The following FILIP1L variants were observed in gnomAD, a reference collection of about 807,000 sequenced individuals.
FILIP1L encodes filamin A-interacting protein 1-like.
FILIP1L carries 55 observed loss-of-function variants against 96.6 expected under a neutral mutation model. The observed-to-expected ratio is 0.57, with a 90% CI of 0.46 to 0.71. FILIP1L has a LOEUF of 0.71. Among genes scored for constraint, FILIP1L ranks in the 30% least tolerant of loss-of-function variants. The pLI, the probability that FILIP1L is intolerant of heterozygous loss-of-function variation, is 0.00. For synonymous variants in FILIP1L, 467 were observed against 473.9 expected, an observed-to-expected ratio of 0.99 and a Z score of 0.19; for missense variants, 1,304 against 1,321.2, an observed-to-expected ratio of 0.99 and a Z score of 0.20.
chr3:100,061,139 T>TA (rs879451507), intron 1 of FILIP1L, among the ~76,000 whole-genome samples: 32 of 148,096 alleles, frequency 2.2e-4, no homozygotes, highest in South Asian at 6.4e-4. Flanking sequence ...TGTTAAAATT[T>TA]AAAAAAAAAA....
At chr3:100,049,613 A>C (rs1270448183) in intron 1 of FILIP1L, among the ~76,000 whole-genome samples, 1 of 152,226 alleles carries the variant, frequency 6.6e-6, no homozygotes, top group Admixed American at 6.5e-5. Context: ...CTTGAACAAC[A>C]TGGTTTTGAA....
chr3:99,910,632 G>T (rs1325388695), intron 4 of FILIP1L, among the ~76,000 whole-genome samples: 1 of 136,128 alleles, frequency 7.3e-6, no homozygotes, highest in Non-Finnish European at 1.7e-5. Flanking sequence ...AAAGTAATAC[G>T]CTATAATTCT....
chr3:99,833,377 T>G (rs1331964319), intron 5 of FILIP1L: 1 of 798,746 alleles, frequency 1.3e-6, no homozygotes, highest in East Asian at 2.7e-5. Context: ...GAAGACTCCC[T>G]GGTTACAGTG....
rs569654265 is a variant in FILIP1L, at chr3:99,982,338, T to A, written c.-10-51308A>T. On this transcript the variant is annotated intron_variant, in intron 1 of 5. Transcript: ENST00000477258. ...CAAACTTTCATTCACCATTAGGTAA[T>A]TTTTTACTTTTTTTTTTTTGAGACA... Among the ~76,000 whole-genome samples, 26 of 152,062 alleles carry A rather than the reference T, an allele frequency of 1.7e-4. No individual in the cohort carries two copies. The East Asian group carries it at 4.4e-3, about 26-fold the overall frequency.
At chr3:99,881,853 C>T (rs1277889012) in intron 4 of FILIP1L, among the ~76,000 whole-genome samples, 3 of 151,996 alleles carry the variant, frequency 2.0e-5, no homozygotes, top group Non-Finnish European at 4.4e-5. Flanking sequence ...TTAAGTAATA[C>T]ATTTTTAAAG....
intron 1 of FILIP1L, among the ~76,000 whole-genome samples, chr3:99,937,598 G>C (rs529681407): frequency 3.3e-5 from 5 of 152,238 alleles, no homozygotes; most frequent in African/African-American, 9.6e-5. Flanking sequence ...TTGCTAATGG[G>C]TTTATTATTC....
chr3:100,033,814 G>A (rs2065061489), intron 1 of FILIP1L, among the ~76,000 whole-genome samples: 1 of 152,136 alleles, frequency 6.6e-6, no homozygotes. Flanking sequence ...GGATTTAGAG[G>A]TCAAGTATCC....
At chr3:99,880,963 T>C (rs1019049479) in intron 4 of FILIP1L, among the ~76,000 whole-genome samples, 3 of 152,332 alleles carry the variant, frequency 2.0e-5, no homozygotes, top group Admixed American at 2.0e-4. Context: ...TCTGTAGACA[T>C]TGGGCTATTT....
chr3:99,899,378 T>A (rs1193270813), intron 4 of FILIP1L, among the ~76,000 whole-genome samples: 2 of 152,202 alleles, frequency 1.3e-5, no homozygotes, highest in South Asian at 4.1e-4. Flanking sequence ...GCATAACTAA[T>A]GCACTAGAGT....
intron 1 of FILIP1L, among the ~76,000 whole-genome samples, chr3:99,991,393 A>G (rs961104777): frequency 1.3e-5 from 2 of 152,116 alleles, no homozygotes; most frequent in Non-Finnish European, 2.9e-5. Context: ...GTATATTCCT[A>G]TTGTTGAAAA....
intron 1 of FILIP1L, chr3:99,964,496 C>G (rs1708588703): frequency 6.6e-6 from 1 of 152,478 alleles, no homozygotes; most frequent in East Asian, 2.0e-4. Context: ...CTGCTCAGGG[C>G]TCAGAGCTAG....
chr3:99,911,594 T>G (rs549070462), intron 4 of FILIP1L, among the ~76,000 whole-genome samples: 1 of 152,192 alleles, frequency 6.6e-6, no homozygotes, highest in East Asian at 1.9e-4. Flanking sequence ...AAATTTATCT[T>G]TTTAATGTAC....
At chr3:99,894,198 T>A (rs1023399251) in intron 4 of FILIP1L, among the ~76,000 whole-genome samples, 1 of 152,200 alleles carries the variant, frequency 6.6e-6, no homozygotes, top group African/African-American at 2.4e-5. Context: ...ATAGGATGGT[T>A]AAAAACTAAG....
intron 1 of FILIP1L, among the ~76,000 whole-genome samples, chr3:100,076,427 G>A (rs1332471303): frequency 6.6e-6 from 1 of 152,134 alleles, no homozygotes. Flanking sequence ...TTTTATCATT[G>A]TCAGCATGTG....
At chr3:99,913,085 G>A (rs1706841893) in intron 4 of FILIP1L, among the ~76,000 whole-genome samples, 1 of 151,896 alleles carries the variant, frequency 6.6e-6, no homozygotes, top group Admixed American at 6.5e-5. Context: ...AGGAAACAAG[G>A]AGACGACAGC....
chr3:100,000,951 T>C (rs1709824529), intron 1 of FILIP1L, among the ~76,000 whole-genome samples: 1 of 152,228 alleles, frequency 6.6e-6, no homozygotes, highest in Admixed American at 6.5e-5. Flanking sequence ...CTCCTTGATT[T>C]AATGCCAACT....
chr3:99,878,211 T>C (rs1159566289), intron 4 of FILIP1L, among the ~76,000 whole-genome samples: 1 of 152,230 alleles, frequency 6.6e-6, no homozygotes, highest in African/African-American at 2.4e-5. Context: ...CATAGTTATG[T>C]GACCACTGTC....
chr3:100,037,746 A>G (rs185945537), intron 1 of FILIP1L, among the ~76,000 whole-genome samples: 48 of 152,266 alleles, frequency 3.2e-4, no homozygotes, highest in African/African-American at 1.2e-3. Context: ...AGCTCATTGC[A>G]TAAAGCTGTG....
intron 1 of FILIP1L, among the ~76,000 whole-genome samples, chr3:100,018,818 G>A (rs1710420288): frequency 6.6e-6 from 1 of 150,952 alleles, no homozygotes; most frequent in South Asian, 2.1e-4. Context: ...ATCAGGTAAG[G>A]GGTTAATGTA....
Sources: allele counts gnomAD v4.1 joint callset (sites outside exome capture counted in the v4.1 genomes callset), GRCh38; gene constraint gnomAD v4.1.1; transcripts MANE v1.5; gene names NCBI Gene and HGNC (gene_info 2026-07-23, HGNC 2026-07-21).